IFFO2: variants seen among roughly 807,000 people sequenced by gnomAD.
The protein encoded by IFFO2 is intermediate filament family orphan 2.
Under a neutral mutation model 53.5 loss-of-function variants are expected in IFFO2, and 19 were observed. That is an observed-to-expected ratio of 0.36 (90% confidence interval 0.25 to 0.52). The LOEUF is 0.52. Ranked by LOEUF, IFFO2 falls within the 20% of genes least tolerant of loss-of-function variation. The pLI is 0.94. For missense variants in IFFO2, 570 were observed against 727.4 expected (o/e 0.78, Z 2.49); for synonymous variants, 303 against 313.6 (o/e 0.97, Z 0.36).
Position 18,918,263 on chromosome 1 carries a change from T to A in IFFO2, c.963+99A>T. 8.7e-7 allele frequency: 1 copy of A among 1,146,454 alleles called. No homozygotes were observed. The highest frequency in any genetic ancestry group is 1.2e-6 in the Non-Finnish European group (1 of 803,210). The allele number at this position is 1,146,454 out of a possible 1,614,324, so 71.0% of individuals were successfully genotyped here. A position where few individuals can be genotyped will look rare whatever the true frequency, so the allele number is the denominator to read the frequency against. On this transcript the variant is annotated intron_variant, in intron 4 of 8. Transcript: ENST00000455833. This position sits in a 1 kb window ranked among gnomAD's most constrained non-coding sequence, Gnocchi z 5.2. ...CTCTCGGGGAAGGGGAGGGAGTGAG[T>A]GGGATGTGGAGGCAAACGGGTTGGC...
intron 5 of IFFO2, 104 bp from the exon 6 acceptor site, chr1:18,912,187 G>T (rs1255532556): frequency 2.1e-6 from 3 of 1,399,968 alleles, no homozygotes; most frequent in Non-Finnish European, 2.9e-6. Context: ...ACAGCTTCAA[G>T]GCTGTCCTCA....
chr1:18,912,194 C>G (rs1045972765), intron 5 of IFFO2, 111 bp from the exon 6 acceptor site: 2 of 1,344,282 alleles, frequency 1.5e-6, no homozygotes, highest in Non-Finnish European at 2.0e-6. Context: ...CAAGGCTGTC[C>G]TCAGGAAAGA....
Position 18,928,483 on chromosome 1 carries a change from G to T in IFFO2, c.666-7362C>A, listed in dbSNP as rs977932245. Among the ~76,000 whole-genome samples the T allele has an allele frequency of 2.6e-5, 4 of 152,204 alleles. No individual in the cohort carries two copies. Among genetic ancestry groups the T allele is most frequent in the African/African-American group, 9.7e-5 (4 of 41,440 alleles). ...AGCACAGGCTGTACACTGAGGATGG[G>T]GGCCAGGTTTGAGAAGCCACTAATC... On this transcript the variant is annotated intron_variant, in intron 1 of 8. Coordinates refer to ENST00000455833, the MANE Select transcript of IFFO2 (RefSeq NM_001136265.2). This position sits in a 1 kb window ranked among gnomAD's most constrained non-coding sequence, Gnocchi z 4.9.
chr1:18,914,276 C>T (rs1210103343), intron 5 of IFFO2, among the ~76,000 whole-genome samples: 1 of 152,242 alleles, frequency 6.6e-6, no homozygotes, highest in Non-Finnish European at 1.5e-5. Context: ...ACACTGGAGC[C>T]TTTGCCCATG....
At chr1:18,950,353 G>GGGGGC (rs1328794730) in intron 1 of IFFO2, among the ~76,000 whole-genome samples, 1 of 152,202 alleles carries the variant, frequency 6.6e-6, no homozygotes, top group Non-Finnish European at 1.5e-5. Flanking sequence ...GCCAGGGGAA[G>GGGGGC]GGGGCTGGGC....
rs936299485 is a variant in IFFO2, at chr1:18,916,621, G to C, written c.1103+282C>G. On this transcript the variant is annotated intron_variant, in intron 5 of 8. Coordinates refer to ENST00000455833, the MANE Select transcript of IFFO2 (RefSeq NM_001136265.2). The surrounding 1 kb of genome is among the most constrained non-coding windows in gnomAD (Gnocchi z 4.3). ...TCTCTACAAAAAAATTTAAAAATTA[G>C]CTGGGCATGGTGGCACATGCCTGTG... Among the ~76,000 whole-genome samples the C allele has an allele frequency of 6.6e-6, 1 of 152,056 alleles. No homozygotes were observed.
chr1:18,917,796 C>A lies in IFFO2; in HGVS notation c.963+566G>T, dbSNP rs1349343359. Among the ~76,000 whole-genome samples, 1 of 152,188 alleles carries A rather than the reference C, an allele frequency of 6.6e-6. No individual in the cohort carries two copies. The highest frequency in any genetic ancestry group is 2.4e-5 in the African/African-American group (1 of 41,454). On this transcript the variant is annotated intron_variant, in intron 4 of 8. Coordinates refer to ENST00000455833, the MANE Select transcript of IFFO2 (RefSeq NM_001136265.2). This position sits in a 1 kb window ranked among gnomAD's most constrained non-coding sequence, Gnocchi z 5.9. ...TGGAAGACAGCCTCACTGGCGCTAA[C>A]CTGATCGCCGTCTCTCGGGGGCACC...
At chr1:18,944,684 G>A (rs1039949223) in intron 1 of IFFO2, among the ~76,000 whole-genome samples, 7 of 152,144 alleles carry the variant, frequency 4.6e-5, no homozygotes, top group African/African-American at 7.2e-5. Context: ...GCTCACATGC[G>A]TGTATACACA....
At chr1:18,941,032 G>A (rs539279337) in intron 1 of IFFO2, among the ~76,000 whole-genome samples, 1 of 152,254 alleles carries the variant, frequency 6.6e-6, no homozygotes, top group African/African-American at 2.4e-5. Flanking sequence ...GAGACCTGAG[G>A]TCACATGCCC....
chr1:18,924,195 G>A (rs527656969), intron 1 of IFFO2, among the ~76,000 whole-genome samples: 2 of 152,340 alleles, frequency 1.3e-5, no homozygotes, highest in African/African-American at 4.8e-5. Context: ...TCCTTGGATC[G>A]TTCTGAGGAC....
At chr1:18,940,852 C>T (rs1936510939) in intron 1 of IFFO2, among the ~76,000 whole-genome samples, 1 of 152,180 alleles carries the variant, frequency 6.6e-6, no homozygotes, top group African/African-American at 2.4e-5. Flanking sequence ...AAAGCAGTGA[C>T]CCAACTCTGA....
At position 18,954,771 on chromosome 1, in the gene IFFO2, T is replaced by TA. The variant is rs1013309099; in HGVS notation, c.665+896dup. Among the ~76,000 whole-genome samples the TA allele has an allele frequency of 1.4e-3, 209 of 152,376 alleles. 2 individuals are homozygous for TA. The highest frequency in any genetic ancestry group is 4.8e-3 in the African/African-American group (201 of 41,594). ...AGTTTCCCAGCTGGGGAATCTGGGC[T>TA]AGGCAGGAATGCACTGGCCAGTCTT... On this transcript the variant is annotated intron_variant, in intron 1 of 8. Transcript: ENST00000455833.
At chr1:18,914,246 G>T (rs1336492034) in intron 5 of IFFO2, among the ~76,000 whole-genome samples, 2 of 152,206 alleles carry the variant, frequency 1.3e-5, no homozygotes, top group Admixed American at 1.3e-4. Context: ...GCCTGACTTG[G>T]ATCTGAATGC....
At chr1:18,955,571 C>A in intron 1 of IFFO2, 97 bp downstream of exon 1, 2 of 1,443,554 alleles carry the variant, frequency 1.4e-6, no homozygotes, top group South Asian at 2.8e-5. Flanking sequence ...CTGCCAGTAC[C>A]AGCTGCCCGC....
At chr1:18,954,717 C>T (rs1052069150) in intron 1 of IFFO2, among the ~76,000 whole-genome samples, 2 of 152,218 alleles carry the variant, frequency 1.3e-5, no homozygotes, top group Non-Finnish European at 2.9e-5. Context: ...ACAGTATTGT[C>T]GGCCAGACTG....
chr1:18,931,353 C>T (rs916918701), intron 1 of IFFO2, among the ~76,000 whole-genome samples: 3 of 152,214 alleles, frequency 2.0e-5, no homozygotes, highest in Admixed American at 6.5e-5. Flanking sequence ...CAACCAGCAT[C>T]TCACAGTGAG....
rs926451323 is a variant in IFFO2 at position 18,907,329 on chromosome 1, G to A, written c.*1232C>T. The A allele has an allele frequency of 6.6e-6, 1 of 152,216 alleles. No individual in the cohort carries two copies. The highest frequency in any genetic ancestry group is 2.4e-5 in the African/African-American group (1 of 41,448). 9.4% of individuals were successfully genotyped at this position (152,216 alleles called of 1,614,324 possible). On this transcript the variant is annotated 3_prime_UTR_variant, in exon 9 of 9. Coordinates refer to ENST00000455833, the MANE Select transcript of IFFO2 (RefSeq NM_001136265.2). ...TCAATACCCCGACTGGCCAGTCGAGGGAACTGCTGAGAGCGGCTTGCGTGT... is the reference window on the plus strand; with the variant it reads ...TCAATACCCCGACTGGCCAGTCGAGAGAACTGCTGAGAGCGGCTTGCGTGT...
At chr1:18,926,775 C>T (rs1412651885) in intron 1 of IFFO2, among the ~76,000 whole-genome samples, 1 of 151,966 alleles carries the variant, frequency 6.6e-6, no homozygotes, top group Non-Finnish European at 1.5e-5. Flanking sequence ...GGAAAGGGAC[C>T]GACAAGCCTG....
At chr1:18,952,403 T>C (rs1284983239) in intron 1 of IFFO2, among the ~76,000 whole-genome samples, 2 of 152,178 alleles carry the variant, frequency 1.3e-5, no homozygotes, top group Non-Finnish European at 2.9e-5. Flanking sequence ...GGACCACTGA[T>C]GGCACATGAG....
Sources: allele counts gnomAD v4.1 joint callset (sites outside exome capture counted in the v4.1 genomes callset), GRCh38; gene constraint gnomAD v4.1.1; non-coding constraint Gnocchi (gnomAD v3.1); transcripts MANE v1.5; gene names NCBI Gene and HGNC (gene_info 2026-07-23, HGNC 2026-07-21).